The following ABCG2 variants were observed in gnomAD, a reference collection of about 807,000 sequenced individuals.
ABCG2 encodes ATP binding cassette subfamily G member 2 (JR blood group).
A neutral mutation model predicts 73.5 loss-of-function variants in ABCG2; 80 were observed. The ratio of observed to expected loss-of-function variants is 1.09; its 90% confidence interval spans 0.91 to 1.31. The LOEUF is 1.31. ABCG2 is among the 50% of genes most tolerant of loss of function. The probability of loss-of-function intolerance (pLI) is 0.00; values close to 1 mark genes in which losing one functional copy is unlikely to be tolerated. For missense variants in ABCG2, 796 were observed against 786.2 expected (o/e 1.01, Z -0.15); for synonymous variants, 269 against 282.4 (o/e 0.95, Z 0.48).
At chr4:88,181,653 C>T (rs1728258863) in intron 1 of ABCG2, among the ~76,000 whole-genome samples, 1 of 152,058 alleles carries the variant, frequency 6.6e-6, no homozygotes, top group Non-Finnish European at 1.5e-5. Context: ...GTCACTTCAG[C>T]CCAGGAGGTT....
chr4:88,152,508 G>T (rs1162361952), intron 1 of ABCG2, among the ~76,000 whole-genome samples: 2 of 152,148 alleles, frequency 1.3e-5, no homozygotes, highest in African/African-American at 4.8e-5. Flanking sequence ...CTGGTGGGCA[G>T]GGGTGGGGCG....
At chr4:88,103,531 A>T (rs1478015501) in intron 10 of ABCG2, among the ~76,000 whole-genome samples, 1 of 152,246 alleles carries the variant, frequency 6.6e-6, no homozygotes, top group African/African-American at 2.4e-5. Flanking sequence ...AAATAATTAA[A>T]TCAAGCTAAT....
intron 13 of ABCG2, 37 bp from the exon 14 acceptor site, chr4:88,095,646 A>T: frequency 1.3e-6 from 2 of 1,541,336 alleles, no homozygotes; most frequent in Non-Finnish European, 9.0e-7. Context: ...GGCCTGCTTG[A>T]GTAATTTCAT....
intron 1 of ABCG2, among the ~76,000 whole-genome samples, chr4:88,166,753 A>T (rs1367312827): frequency 1.3e-5 from 2 of 152,210 alleles, no homozygotes; most frequent in African/African-American, 4.8e-5. Flanking sequence ...CAATAGAAAG[A>T]TGAAGCAAAG....
At chr4:88,158,818 G>C (rs1414760160), upstream of ABCG2, 3 of 336,206 alleles carry the variant, frequency 8.9e-6, no homozygotes, top group Non-Finnish European at 1.7e-5. Flanking sequence ...GGCCGCCTGG[G>C]GAGACCCGGA....
chr4:88,115,256 C>CTCTCTCTCTCTCTCTATATATATATA (rs1309360818), intron 7 of ABCG2, among the ~76,000 whole-genome samples, 198 bp from the exon 8 acceptor site: 1 of 69,862 alleles, frequency 1.4e-5, no homozygotes, highest in African/African-American at 5.6e-5. Flanking sequence ...CTCTCTCTCT[C>CTCTCTCTCTCTCTCTATATATATATA]TATATATATA....
chr4:88,120,691 C>G (rs1384266080), intron 6 of ABCG2, among the ~76,000 whole-genome samples: 3 of 152,130 alleles, frequency 2.0e-5, no homozygotes, highest in Non-Finnish European at 4.4e-5. Context: ...CCTATTGTAT[C>G]TAGGAAGTTA....
intron 1 of ABCG2, among the ~76,000 whole-genome samples, chr4:88,195,163 G>T (rs1212840119): frequency 6.6e-6 from 1 of 152,136 alleles, no homozygotes; most frequent in African/African-American, 2.4e-5. Flanking sequence ...GAGGCCAGGA[G>T]TTCAAGGCTG....
intron 1 of ABCG2, among the ~76,000 whole-genome samples, chr4:88,188,471 C>A (rs1317613933): frequency 6.6e-6 from 1 of 151,944 alleles, no homozygotes; most frequent in Non-Finnish European, 1.5e-5. Flanking sequence ...CTTTGGCCTC[C>A]CAAAGAACTG....
At chr4:88,177,521 T>C (rs893069430) in intron 1 of ABCG2, among the ~76,000 whole-genome samples, 3 of 152,174 alleles carry the variant, frequency 2.0e-5, no homozygotes, top group African/African-American at 7.2e-5. Context: ...ACAAGATCAC[T>C]GAATTGGAGC....
intron 1 of ABCG2, among the ~76,000 whole-genome samples, chr4:88,148,658 G>A (rs1332818701): frequency 6.6e-6 from 1 of 152,114 alleles, no homozygotes; most frequent in Non-Finnish European, 1.5e-5. Context: ...AGGAAAAACT[G>A]TTTTGGAAGG....
rs1414047420 is a variant in ABCG2, at chr4:88,131,100, G to T, written c.492C>A (p.Val164=). The stretch of plus-strand genomic sequence containing the variant: ...CTTTATCCAGACCTAACTCTTGAAT[G>T]ACCCTGTTAATCCGTTCGTTTTTTT... ...NHEKNERINR[V]IQELGLDKVA... is the part of the protein sequence containing the mutation. The change falls in exon 5 of 16, where the codon GTC becomes GTA. Residue 164 remains valine (V), a synonymous_variant. Transcript: ENST00000237612. 1 of 1,613,962 alleles carries T rather than the reference G, an allele frequency of 6.2e-7. No individual in the cohort carries two copies. The highest frequency in any genetic ancestry group is 1.7e-5 in the Admixed American group (1 of 60,004).
At chr4:88,125,464 C>T (rs1300280908) in intron 5 of ABCG2, among the ~76,000 whole-genome samples, 1 of 150,828 alleles carries the variant, frequency 6.6e-6, no homozygotes, top group Non-Finnish European at 1.5e-5. Flanking sequence ...AAAAATTAGC[C>T]GGGCTAAGTG....
Position 88,097,558 on chromosome 4 carries a change from C to T in ABCG2, c.1542G>A (p.Met514Ile), listed in dbSNP as rs529212191. ...TGGAACTGGCTGAATAAGCCACCAT[C>T]ATAAGGGTAAACATCATAACGAAGA... Reference protein sequence around the residue: ...DAFFVMMFTLMMVAYSASSMA... With the variant: ...DAFFVMMFTLIMVAYSASSMA... Residue 514 changes from methionine to isoleucine, a missense_variant, in exon 13 of 16, where the codon ATG becomes ATA. By Grantham distance (10) the Met-to-Ile change is conservative. Coordinates refer to ENST00000237612, the MANE Select transcript of ABCG2 (RefSeq NM_004827.3). 34 of 1,614,192 alleles carry T rather than the reference C, an allele frequency of 2.1e-5. No homozygotes were observed. In the South Asian group the frequency reaches 3.3e-4, roughly 16 times the overall value.
intron 1 of ABCG2, among the ~76,000 whole-genome samples, chr4:88,188,400 T>C (rs1253727801): frequency 6.6e-6 from 1 of 152,078 alleles, no homozygotes; most frequent in Non-Finnish European, 1.5e-5. Context: ...TTTTTTTTAA[T>C]TTAATAGAGA....
intron 5 of ABCG2, among the ~76,000 whole-genome samples, chr4:88,130,116 T>C (rs1279561269): frequency 1.3e-5 from 2 of 152,110 alleles, no homozygotes; most frequent in Non-Finnish European, 2.9e-5. Context: ...AGCCAAATTA[T>C]AGGAAACTGA....
intron 1 of ABCG2, among the ~76,000 whole-genome samples, chr4:88,152,030 C>A (rs1259212920): frequency 1.3e-5 from 2 of 152,122 alleles, no homozygotes; most frequent in Admixed American, 1.3e-4. Context: ...GGTCTCAAAT[C>A]CTTTTCTCAC....
chr4:88,113,682 G>T (rs933119754), intron 8 of ABCG2, 129 bp from the exon 9 acceptor site: 18 of 1,212,476 alleles, frequency 1.5e-5, no homozygotes, highest in Non-Finnish European at 2.0e-5. Context: ...GAAAAAATAG[G>T]CCAGGCACGG....
intron 1 of ABCG2, among the ~76,000 whole-genome samples, chr4:88,172,549 G>A (rs938338512): frequency 6.7e-6 from 1 of 148,170 alleles, no homozygotes; most frequent in South Asian, 2.1e-4. Flanking sequence ...CTGCACTCCA[G>A]CCTGGGAGAC....
Sources: gnomAD v4.1 joint callset for allele counts (sites outside exome capture counted in the v4.1 genomes callset) on GRCh38, gnomAD v4.1.1 for gene constraint, MANE v1.5 for transcripts, NCBI Gene and HGNC (gene_info 2026-07-23, HGNC 2026-07-21) for gene names.